Variants in ZNF469 observed in about 807,000 individuals in gnomAD.
The protein encoded by ZNF469 is zinc finger protein 469.
In ZNF469, 1 loss-of-function variant was observed where a neutral mutation model predicts 1.0. That is an observed-to-expected ratio of 1.00 (90% CI 0.35 to 4.73). ZNF469 has a LOEUF of 4.73. Among genes scored for constraint, ZNF469 ranks in the 30% most tolerant of loss-of-function variants. ZNF469 has a pLI of 0.16. For missense variants in ZNF469, 6,100 were observed against 5,356.3 expected (o/e 1.14, Z -4.33); for synonymous variants, 2,703 against 2,363.4 (o/e 1.14, Z -4.17).
chr16:88,153,049 A>C, the ZNF469 span, among the ~76,000 whole-genome samples: 1 of 152,098 alleles, frequency 6.6e-6, no homozygotes, highest in Non-Finnish European at 1.5e-5. Context: ...GGGTGGCGCG[A>C]GGGTTCCCTC....
chr16:88,322,157 G>A, the ZNF469 span, among the ~76,000 whole-genome samples: 1,841 of 152,314 alleles, frequency 0.012, 27 homozygotes, highest in African/African-American at 0.042. Context: ...CCCTCCCCGC[G>A]GCCTCGGCAT....
At chr16:88,392,853 G>C (rs8049712) in intron 1 of ZNF469, among the ~76,000 whole-genome samples, 87,103 of 152,174 alleles carry the variant, frequency 0.57, 25,108 homozygotes, top group African/African-American at 0.62. Context: ...TCCCCGGCAG[G>C]TTCCCTCCCC....
rs1299443510 is a variant in ZNF469 at position 88,438,396 on chromosome 16, C to G, written c.10926C>G (p.His3642Gln). 1 of 1,550,160 alleles carries G rather than the reference C, an allele frequency of 6.5e-7. No individual in the cohort carries two copies. Among genetic ancestry groups the G allele is most frequent in the Non-Finnish European group, 8.7e-7 (1 of 1,146,972 alleles). Residue 3642 changes from histidine (H) to glutamine (Q), a missense_variant, in exon 3 of 3, where the codon CAC becomes CAG. By Grantham distance (24) the His-to-Gln change is conservative. Transcript: ENST00000565624. ...CCCCTGACCATTTCCAGGAAGACCACCTACTTCAGAAAGAGAAGGAGGTGT... is the reference window on the plus strand; with the variant it reads ...CCCCTGACCATTTCCAGGAAGACCAGCTACTTCAGAAAGAGAAGGAGGTGT... ...RCAPDHFQEDHLLQKEKEVSS... is the reference protein window; with the variant it reads ...RCAPDHFQEDQLLQKEKEVSS...
chr16:88,378,511 G>A (rs1193381914), upstream of ZNF469, among the ~76,000 whole-genome samples: 1 of 152,182 alleles, frequency 6.6e-6, no homozygotes, highest in African/African-American at 2.4e-5. Flanking sequence ...CCGTCCTCAG[G>A]GAGGTGGGAG....
chr16:88,211,068 T>C, the ZNF469 span, among the ~76,000 whole-genome samples: 1 of 152,262 alleles, frequency 6.6e-6, no homozygotes, highest in Non-Finnish European at 1.5e-5. Context: ...AGTCTACTTG[T>C]ATGTGTCTCT....
At position 88,427,957 on chromosome 16, in the gene ZNF469, A is replaced by C; in HGVS notation, c.487A>C (p.Arg163=). ...GGGCCCTGGGACTGGAGCTCCACTCAGGCCGGGCCTCCCAAGGACTGAGGC... is the reference window on the plus strand; with the variant it reads ...GGGCCCTGGGACTGGAGCTCCACTCCGGCCGGGCCTCCCAAGGACTGAGGC... ...PQGPGTGAPL[R]PGLPRTEAQP... Residue 163 remains arginine, a synonymous_variant, in exon 3 of 3, where the codon AGG becomes CGG. Coordinates refer to ENST00000565624, the MANE Select transcript of ZNF469 (RefSeq NM_001367624.2). 2 of 1,549,948 alleles carry C rather than the reference A, an allele frequency of 1.3e-6. No individual in the cohort carries two copies. The highest frequency in any genetic ancestry group is 1.4e-5 in the African/African-American group (1 of 73,124).
chr16:88,361,638 T>A, the ZNF469 span, among the ~76,000 whole-genome samples: 1 of 152,168 alleles, frequency 6.6e-6, no homozygotes, highest in Admixed American at 6.5e-5. Context: ...AAATGCTTTC[T>A]CCCAGTCTGT....
At chr16:88,305,345 C>T in the ZNF469 span, among the ~76,000 whole-genome samples, 1 of 150,924 alleles carries the variant, frequency 6.6e-6, no homozygotes, top group African/African-American at 2.4e-5. Context: ...CACCCTCACA[C>T]ACATGCACAC....
In ZNF469 at chr16:88,428,824, C is replaced by A; in HGVS notation, c.1354C>A (p.Pro452Thr). Residue 452 changes from proline to threonine, a missense_variant, in exon 3 of 3, where the codon CCT becomes ACT. Transcript: ENST00000565624. ...DPTAAPYPTPPGGPLAATRSM... is the reference protein window; with the variant it reads ...DPTAAPYPTPTGGPLAATRSM... ...CACAGCAGCCCCTTACCCCACACCTCCTGGGGGCCCCCTGGCTGCCACCAG... is the reference window on the plus strand; with the variant it reads ...CACAGCAGCCCCTTACCCCACACCTACTGGGGGCCCCCTGGCTGCCACCAG... 1 of 1,547,854 alleles carries A rather than the reference C, an allele frequency of 6.5e-7. No individual in the cohort carries two copies. The highest frequency in any genetic ancestry group is 8.7e-7 in the Non-Finnish European group (1 of 1,146,284).
intron 1 of ZNF469, among the ~76,000 whole-genome samples, chr16:88,394,202 C>T (rs987913751): frequency 6.7e-6 from 1 of 149,286 alleles, no homozygotes; most frequent in Non-Finnish European, 1.5e-5. Context: ...CTGGGAGGAG[C>T]GGAGTTTGAC....
the ZNF469 span, among the ~76,000 whole-genome samples, chr16:88,104,283 G>C: frequency 1.3e-5 from 2 of 150,152 alleles, no homozygotes; most frequent in African/African-American, 2.5e-5. Context: ...GGGATTTATT[G>C]AGATACGCTT....
At chr16:88,291,775 G>A in the ZNF469 span, among the ~76,000 whole-genome samples, 13 of 152,270 alleles carry the variant, frequency 8.5e-5, no homozygotes, top group South Asian at 8.3e-4. Flanking sequence ...TCCTCCCTGC[G>A]TCTGGGTGTC....
chr16:88,408,791 C>T (rs1190602205), intron 1 of ZNF469, among the ~76,000 whole-genome samples: 2 of 152,268 alleles, frequency 1.3e-5, no homozygotes, highest in Non-Finnish European at 2.9e-5. Flanking sequence ...CCGCCTGTGC[C>T]CGGCACCCAA....
At chr16:88,398,343 G>T (rs1445765688) in intron 1 of ZNF469, among the ~76,000 whole-genome samples, 1 of 151,954 alleles carries the variant, frequency 6.6e-6, no homozygotes, top group African/African-American at 2.4e-5. Context: ...CACGGGTGAA[G>T]GGACACGTGA....
chr16:88,349,073 C>T, the ZNF469 span, among the ~76,000 whole-genome samples: 3 of 152,182 alleles, frequency 2.0e-5, no homozygotes, highest in Non-Finnish European at 2.9e-5. Context: ...GAAAGATCCA[C>T]AGGCCAGCAT....
the ZNF469 span, among the ~76,000 whole-genome samples, chr16:88,319,779 C>A: frequency 6.6e-6 from 1 of 152,196 alleles, no homozygotes; most frequent in Non-Finnish European, 1.5e-5. Context: ...CCCTGCAGCC[C>A]AGCTTCGCAG....
chr16:88,259,475 T>C, the ZNF469 span, among the ~76,000 whole-genome samples: 2 of 152,098 alleles, frequency 1.3e-5, no homozygotes, highest in African/African-American at 2.4e-5. The surrounding 1 kb of genome is among the most constrained non-coding windows in gnomAD (Gnocchi z 4.1). Flanking sequence ...CGCATGCTTC[T>C]CCTCCGCTGC....
the ZNF469 span, among the ~76,000 whole-genome samples, chr16:88,250,444 A>T: frequency 1.3e-5 from 2 of 152,224 alleles, no homozygotes; most frequent in African/African-American, 4.8e-5. Flanking sequence ...CAGTTTGTTT[A>T]TCCATTCTGT....
the ZNF469 span, among the ~76,000 whole-genome samples, chr16:88,279,574 A>C: frequency 2.0e-5 from 2 of 101,632 alleles, no homozygotes. Context: ...GCTGCACCAC[A>C]CTGACACTCG....
Sources: gnomAD v4.1 joint callset for allele counts (sites outside exome capture counted in the v4.1 genomes callset) on GRCh38, gnomAD v4.1.1 for gene constraint, Gnocchi (gnomAD v3.1) non-coding constraint, MANE v1.5 for transcripts, NCBI Gene and HGNC (gene_info 2026-07-23, HGNC 2026-07-21) for gene names.